PAH: variants seen among roughly 807,000 people sequenced by gnomAD.
PAH encodes the protein phenylalanine-4-hydroxylase.
PAH carries 64 observed loss-of-function variants against 62.0 expected under a neutral mutation model. That is an observed-to-expected ratio of 1.03 (90% CI 0.84 to 1.27). The LOEUF (loss-of-function observed/expected upper bound fraction) is 1.27. Among genes scored for constraint, PAH ranks in the 50% most tolerant of loss-of-function variants. The pLI is 0.00. For missense variants in PAH, 579 were observed against 542.8 expected (o/e 1.07, Z -0.66); for synonymous variants, 195 against 196.2 (o/e 0.99, Z 0.05).
At chr12:102,878,094 G>A (rs1876652883) in intron 3 of PAH, among the ~76,000 whole-genome samples, 3 of 152,120 alleles carry the variant, frequency 2.0e-5, no homozygotes, top group African/African-American at 4.8e-5. Flanking sequence ...CAAAGTGCTG[G>A]GATTACAGGC....
chr12:102,901,600 A>ATT (rs1325413902), intron 2 of PAH, among the ~76,000 whole-genome samples: 1 of 149,354 alleles, frequency 6.7e-6, no homozygotes, highest in African/African-American at 2.5e-5. Context: ...CTTTTTTTTA[A>ATT]TTTTTTTTTT....
In PAH at chr12:102,957,513, G is replaced by A. The variant is rs1247519883; in HGVS notation, c.-96+682C>T. ...GGAGGGGGGGAGAGGAGAGGAGGAG[G>A]GGGAGTTTAGGGAGTGGGTGGGAGG... On this transcript the variant is annotated intron_variant, in intron 1 of 4. Coordinates refer to the PAH transcript ENST00000551337. The surrounding 1 kb of genome is among the most constrained non-coding windows in gnomAD (Gnocchi z 4.1). 1.3e-5 allele frequency among the ~76,000 whole-genome samples: 2 copies of A among 151,360 alleles called. No individual in the cohort carries two copies. Among genetic ancestry groups the A allele is most frequent in the Admixed American group, 6.6e-5 (1 of 15,228 alleles).
intron 3 of PAH, among the ~76,000 whole-genome samples, chr12:102,884,977 G>A (rs1876971688): frequency 2.0e-5 from 3 of 152,200 alleles, no homozygotes; most frequent in African/African-American, 4.8e-5. Flanking sequence ...CAAGATCACT[G>A]AGCTAGCTGA....
intron 4 of PAH, among the ~76,000 whole-genome samples, chr12:102,868,971 C>G (rs1876187129): frequency 6.6e-6 from 1 of 152,188 alleles, no homozygotes; most frequent in Non-Finnish European, 1.5e-5. Flanking sequence ...TTGGTCTAGA[C>G]TTGAAGAATA....
chr12:102,886,924 G>A (rs1192820881), intron 3 of PAH, among the ~76,000 whole-genome samples: 1 of 152,180 alleles, frequency 6.6e-6, no homozygotes, highest in African/African-American at 2.4e-5. Context: ...GGAGATAGAT[G>A]TGAATGAGAG....
intron 3 of PAH, among the ~76,000 whole-genome samples, chr12:102,885,246 C>A (rs1361664126): frequency 6.6e-6 from 1 of 152,146 alleles, no homozygotes; most frequent in Non-Finnish European, 1.5e-5. Flanking sequence ...CTTCACATAC[C>A]CCTTATTTTC....
rs1565846899 is a variant in PAH, at chr12:102,852,884, A to G, written c.773T>C (p.Leu258Pro). 6.2e-7 allele frequency: 1 copy of G among 1,614,152 alleles called. No homozygotes were observed. Among genetic ancestry groups the G allele is most frequent in the Non-Finnish European group, 8.5e-7 (1 of 1,180,004 alleles). The change falls in exon 7 of 13, where the codon CTG (leucine) becomes CCG (proline). Residue 258 changes from leucine to proline, a missense_variant. By Grantham distance (98) the Leu-to-Pro change is moderately conservative. Transcript: ENST00000553106. ...TGTGCAGTGGAAGACTCGGAAGGCC[A>G]GGCCACCCAAGAAATCCCGAGAGGA... ...LLSSRDFLGGLAFRVFHCTQY... is the reference protein window; with the variant it reads ...LLSSRDFLGGPAFRVFHCTQY...
At chr12:102,952,511 G>T (rs1303540578), upstream of PAH, among the ~76,000 whole-genome samples, 1 of 152,148 alleles carries the variant, frequency 6.6e-6, no homozygotes, top group Admixed American at 6.5e-5. Flanking sequence ...CAAAAGTTTA[G>T]AATGTATTGA....
At chr12:102,854,917 C>T in intron 6 of PAH, 1 of 622,550 alleles carries the variant, frequency 1.6e-6, no homozygotes, top group Non-Finnish European at 2.9e-6. Flanking sequence ...TCCACAGCCT[C>T]AGGTGTTTGA....
intron 2 of PAH, among the ~76,000 whole-genome samples, chr12:102,910,137 C>T (rs1878144187): frequency 6.6e-6 from 1 of 152,176 alleles, no homozygotes; most frequent in African/African-American, 2.4e-5. Flanking sequence ...ACAAGGTTCT[C>T]TTCTTGAAGA....
At chr12:102,854,956 G>C (rs916111279) in intron 6 of PAH, 180 bp downstream of exon 6, 17 of 682,174 alleles carry the variant, frequency 2.5e-5, no homozygotes, top group East Asian at 1.1e-4. Context: ...ACACAGTAGG[G>C]GCTGGAGGGA....
chr12:102,883,628 C>T lies in PAH; in HGVS notation c.353-6078G>A, dbSNP rs1439237975. 2.0e-5 allele frequency among the ~76,000 whole-genome samples: 3 copies of T among 152,186 alleles called. No homozygotes were observed. In the East Asian group the frequency reaches 5.8e-4, roughly 29 times the overall value. On this transcript the variant is annotated intron_variant, in intron 3 of 12. Coordinates refer to ENST00000553106, the MANE Select transcript of PAH (RefSeq NM_000277.3). ...TCAAAACAGCTCACCACATCCCAGA[C>T]CTCTGAGCTCTGCACCTTGTCGCAG...
intron 1 of PAH, among the ~76,000 whole-genome samples, chr12:102,956,135 G>T (rs573656981): frequency 6.0e-4 from 91 of 152,260 alleles, no homozygotes; most frequent in African/African-American, 1.8e-3. Flanking sequence ...CAATTATCCG[G>T]ATAATTCACC....
chr12:102,944,330 A>G (rs1164885180), intron 1 of PAH, among the ~76,000 whole-genome samples: 2 of 152,092 alleles, frequency 1.3e-5, no homozygotes, highest in Non-Finnish European at 2.9e-5. Flanking sequence ...TTCTGTTATT[A>G]TGCCTTTGAA....
intron 1 of PAH, among the ~76,000 whole-genome samples, chr12:102,947,443 G>T (rs1267920574): frequency 1.3e-5 from 2 of 152,218 alleles, no homozygotes; most frequent in African/African-American, 2.4e-5. Flanking sequence ...ACCAGTTTCA[G>T]ATCCCAGGGA....
At chr12:102,932,476 C>T (rs7973230) in intron 1 of PAH, among the ~76,000 whole-genome samples, 4,817 of 152,166 alleles carry the variant, frequency 0.032, 264 homozygotes, top group African/African-American at 0.11. Context: ...GCTGGTGATC[C>T]TAGAGAGCCC....
chr12:102,881,294 A>C (rs557624285), intron 3 of PAH, among the ~76,000 whole-genome samples: 1 of 151,278 alleles, frequency 6.6e-6, no homozygotes, highest in South Asian at 2.1e-4. Flanking sequence ...TTACAGGTGT[A>C]AGTCACTGCA....
chr12:102,955,456 GT>G (rs1879883968), upstream of PAH, among the ~76,000 whole-genome samples: 1 of 152,198 alleles, frequency 6.6e-6, no homozygotes, highest in Non-Finnish European at 1.5e-5. Context: ...GTGAGTCCAA[GT>G]TAGTAGGGAG....
intron 2 of PAH, among the ~76,000 whole-genome samples, chr12:102,896,912 C>G (rs894649259): frequency 6.6e-6 from 1 of 152,148 alleles, no homozygotes; most frequent in Non-Finnish European, 1.5e-5. Flanking sequence ...ATTAGCCATT[C>G]GTACCCTCAT....
Sources: gnomAD v4.1 joint callset for allele counts (sites outside exome capture counted in the v4.1 genomes callset) on GRCh38, gnomAD v4.1.1 for gene constraint, Gnocchi (gnomAD v3.1) non-coding constraint, MANE v1.5 for transcripts, NCBI Gene and HGNC (gene_info 2026-07-23, HGNC 2026-07-21) for gene names.